The following FGGY variants were observed in gnomAD, a reference collection of about 807,000 sequenced individuals.
FGGY encodes the protein FGGY carbohydrate kinase domain-containing protein.
FGGY carries 72 observed loss-of-function variants against 71.3 expected under a neutral mutation model. The observed-to-expected ratio is 1.01, with a 90% confidence interval of 0.84 to 1.23. The LOEUF is 1.23. Ranked by LOEUF, FGGY falls within the 50% of genes most tolerant of loss-of-function variation. The pLI is 0.00. For missense variants in FGGY, 668 were observed against 682.3 expected, an observed-to-expected ratio of 0.98 and a Z score of 0.23; for synonymous variants, 251 against 250.3, an observed-to-expected ratio of 1.00 and a Z score of -0.02.
chr1:59,351,615 A>C (rs530874302), intron 4 of FGGY, among the ~76,000 whole-genome samples: 1 of 152,218 alleles, frequency 6.6e-6, no homozygotes. Context: ...TGCTCAGTAC[A>C]TATTTTCTGA....
intron 7 of FGGY, among the ~76,000 whole-genome samples, chr1:59,549,834 G>T (rs1352628879): frequency 6.6e-6 from 1 of 152,140 alleles, no homozygotes; most frequent in Non-Finnish European, 1.5e-5. Flanking sequence ...ATTGTTGGTT[G>T]GATGAATGGG....
At chr1:59,632,674 T>C (rs1174401750) in intron 10 of FGGY, among the ~76,000 whole-genome samples, 1 of 152,242 alleles carries the variant, frequency 6.6e-6, no homozygotes, top group Non-Finnish European at 1.5e-5. Flanking sequence ...TATTATCTCA[T>C]TTAATTCTAG....
chr1:59,499,635 A>G (rs1390626718), intron 6 of FGGY, among the ~76,000 whole-genome samples: 6 of 152,202 alleles, frequency 3.9e-5, no homozygotes, highest in Admixed American at 3.9e-4. Context: ...GGTCCTGGAA[A>G]AAAAGTTTAA....
At chr1:59,346,947 C>CTTTTTTTTTTTTTTTTTTTTTTTTTTT (rs71580898) in intron 4 of FGGY, among the ~76,000 whole-genome samples, 1 of 112,192 alleles carries the variant, frequency 8.9e-6, no homozygotes, top group Non-Finnish European at 1.9e-5. Context: ...AAAATCAATT[C>CTTTTTTTTTTTTTTTTTTTTTTTTTTT]TTTTTTTTTT....
intron 5 of FGGY, among the ~76,000 whole-genome samples, chr1:59,400,135 G>A (rs921594878): frequency 2.6e-5 from 4 of 152,196 alleles, no homozygotes; most frequent in Non-Finnish European, 5.9e-5. Context: ...GTGTGCAGAT[G>A]TAATATGTTT....
intron 2 of FGGY, among the ~76,000 whole-genome samples, chr1:59,326,628 C>T (rs1205941458): frequency 6.6e-6 from 1 of 152,146 alleles, no homozygotes; most frequent in Non-Finnish European, 1.5e-5. Flanking sequence ...TCTCTAGCAC[C>T]ATATACCTTT....
chr1:59,690,533 C>T (rs990874306), intron 14 of FGGY, among the ~76,000 whole-genome samples: 25 of 152,304 alleles, frequency 1.6e-4, no homozygotes, highest in African/African-American at 5.8e-4. Flanking sequence ...TCTACACGGC[C>T]CTACCCCCAT....
intron 5 of FGGY, among the ~76,000 whole-genome samples, chr1:59,439,815 A>G (rs1406287502): frequency 6.6e-6 from 1 of 152,122 alleles, no homozygotes; most frequent in Non-Finnish European, 1.5e-5. Flanking sequence ...TTTCCAAACC[A>G]TTGAATACTA....
chr1:59,626,144 A>G (rs976717566), intron 10 of FGGY, 95 bp downstream of exon 10: 2 of 970,322 alleles, frequency 2.1e-6, no homozygotes, highest in Non-Finnish European at 3.2e-6. Context: ...GATCCTACAG[A>G]CAATGAAAAT....
intron 14 of FGGY, among the ~76,000 whole-genome samples, chr1:59,726,813 T>C (rs923252717): frequency 1.1e-4 from 17 of 152,204 alleles, no homozygotes; most frequent in African/African-American, 3.6e-4. Context: ...TCATTGATTT[T>C]TCTCTATTGC....
chr1:59,507,538 C>T (rs560194656), intron 6 of FGGY, among the ~76,000 whole-genome samples: 10 of 152,034 alleles, frequency 6.6e-5, no homozygotes, highest in East Asian at 1.9e-4. Flanking sequence ...TTTTTTGAGA[C>T]GGAGTCTCAT....
intron 8 of FGGY, among the ~76,000 whole-genome samples, chr1:59,582,583 C>G (rs954688605): frequency 2.0e-5 from 3 of 149,698 alleles, no homozygotes; most frequent in Non-Finnish European, 4.4e-5. Context: ...CTCCTAAGTC[C>G]TACTTACCCT....
intron 2 of FGGY, among the ~76,000 whole-genome samples, chr1:59,325,185 C>T (rs375940938): frequency 2.9e-5 from 4 of 139,170 alleles, no homozygotes; most frequent in East Asian, 5.0e-4. Context: ...AACCCTGTCT[C>T]TACTAAAAAT....
intron 14 of FGGY, among the ~76,000 whole-genome samples, chr1:59,712,237 C>T (rs982148324): frequency 6.6e-6 from 1 of 152,214 alleles, no homozygotes; most frequent in African/African-American, 2.4e-5. Context: ...CCAGGTCACA[C>T]TCATGCAAGA....
At chr1:59,747,462 G>T (rs759374283) in intron 14 of FGGY, among the ~76,000 whole-genome samples, 9 of 152,162 alleles carry the variant, frequency 5.9e-5, no homozygotes, top group South Asian at 2.1e-4. Flanking sequence ...ATTCTCTGTC[G>T]GAGTGTGCTG....
chr1:59,504,515 T>G (rs1419909386), intron 6 of FGGY, among the ~76,000 whole-genome samples: 1 of 152,206 alleles, frequency 6.6e-6, no homozygotes, highest in Non-Finnish European at 1.5e-5. Context: ...CCAGCTGGCG[T>G]CTGCTACAGA....
chr1:59,757,609 A>G (rs2098304004), intron 14 of FGGY, among the ~76,000 whole-genome samples: 2 of 152,198 alleles, frequency 1.3e-5, no homozygotes, highest in African/African-American at 4.8e-5. Flanking sequence ...GAGGAGGGGA[A>G]ATAATTCTTC....
At chr1:59,375,242 G>A (rs1455304457) in intron 4 of FGGY, among the ~76,000 whole-genome samples, 7 of 132,358 alleles carry the variant, frequency 5.3e-5, no homozygotes, top group Middle Eastern at 4.4e-3. Flanking sequence ...CCTGGCGATA[G>A]AGTGAGACTC....
rs372620740 is a variant in FGGY at position 59,414,444 on chromosome 1, C to T, written c.554+35607C>T. On this transcript the variant is annotated intron_variant, in intron 5 of 15. Transcript: ENST00000303721. ...TCACATAAGGATAGCTGCTCTTTAT[C>T]TTCTCCCTCTGGAAGCTGCCATTGT... 3.9e-5 allele frequency among the ~76,000 whole-genome samples: 6 copies of T among 152,174 alleles called. No homozygotes were observed. The South Asian group carries it at 1.0e-3, about 26-fold the overall frequency.
Sources: allele counts gnomAD v4.1 joint callset (sites outside exome capture counted in the v4.1 genomes callset), GRCh38; gene constraint gnomAD v4.1.1; transcripts MANE v1.5; gene names NCBI Gene and HGNC (gene_info 2026-07-23, HGNC 2026-07-21).